TADA2A: variants seen among roughly 807,000 people sequenced by gnomAD.
TADA2A encodes transcriptional adapter 2-alpha.
TADA2A carries 38 observed loss-of-function variants against 67.4 expected under a neutral mutation model. That is an observed-to-expected ratio of 0.56 (90% CI 0.44 to 0.74). The LOEUF (loss-of-function observed/expected upper bound fraction) is 0.74, where lower values mean the gene tolerates loss of function less well. Among genes scored for constraint, TADA2A ranks in the 30% least tolerant of loss-of-function variants. TADA2A has a pLI of 0.00. For synonymous variants in TADA2A, 192 were observed against 181.6 expected, an observed-to-expected ratio of 1.06 and a Z score of -0.46; for missense variants, 454 against 547.0, an observed-to-expected ratio of 0.83 and a Z score of 1.70.
intron 4 of TADA2A, among the ~76,000 whole-genome samples, chr17:37,431,588 T>G (rs2052569796): frequency 6.6e-6 from 1 of 151,748 alleles, no homozygotes; most frequent in Non-Finnish European, 1.5e-5. Context: ...CTTTTTTTTT[T>G]TTTTGAGACA....
chr17:37,447,631 A>C (rs1399066597), intron 8 of TADA2A, among the ~76,000 whole-genome samples: 1 of 152,176 alleles, frequency 6.6e-6, no homozygotes, highest in Non-Finnish European at 1.5e-5. Flanking sequence ...AAAAGATGAT[A>C]ACAGTTTAAA....
At chr17:37,469,226 A>G (rs192384580) in intron 12 of TADA2A, among the ~76,000 whole-genome samples, 69 of 152,122 alleles carry the variant, frequency 4.5e-4, no homozygotes, top group African/African-American at 1.5e-3. Flanking sequence ...TTCTTAACAC[A>G]GCCCTGTGGG....
chr17:37,440,314 T>A (rs892135453), intron 5 of TADA2A, among the ~76,000 whole-genome samples, 191 bp from the exon 6 acceptor site: 1 of 152,166 alleles, frequency 6.6e-6, no homozygotes, highest in Non-Finnish European at 1.5e-5. Context: ...TAGCAAGATA[T>A]GGAACACCAG....
intron 3 of TADA2A, 141 bp from the exon 4 acceptor site, chr17:37,426,809 C>T: frequency 1.5e-6 from 1 of 661,078 alleles, no homozygotes; most frequent in South Asian, 2.0e-5. Flanking sequence ...GGTGCCACTG[C>T]ACTTCGGCCT....
chr17:37,443,155 C>G (rs1200587264), intron 7 of TADA2A, among the ~76,000 whole-genome samples: 1 of 152,086 alleles, frequency 6.6e-6, no homozygotes, highest in African/African-American at 2.4e-5. Context: ...GAGTAAGACC[C>G]TGTCTCCAAA....
At chr17:37,440,398 G>A (rs2052877576) in intron 5 of TADA2A, 107 bp from the exon 6 acceptor site, 2 of 1,250,374 alleles carry the variant, frequency 1.6e-6, no homozygotes, top group Admixed American at 2.6e-5. Flanking sequence ...GGAAATATGA[G>A]AGTATATTAT....
chr17:37,436,622 G>C (rs1223538360), intron 4 of TADA2A: 1 of 152,006 alleles, frequency 6.6e-6, no homozygotes, highest in Non-Finnish European at 1.5e-5. Context: ...GCCTCCCAAA[G>C]TGTTGGGATT....
At chr17:37,429,867 AT>A (rs1269849280) in intron 4 of TADA2A, among the ~76,000 whole-genome samples, 1 of 152,128 alleles carries the variant, frequency 6.6e-6, no homozygotes, top group Non-Finnish European at 1.5e-5. Flanking sequence ...CTTGGAATAA[AT>A]TTTTTCCCCC....
intron 2 of TADA2A, 35 bp downstream of exon 2, chr17:37,411,425 T>C (rs1478172086): frequency 3.1e-6 from 5 of 1,601,974 alleles, no homozygotes; most frequent in African/African-American, 1.3e-5. Context: ...AGGTGACTTA[T>C]TATTATTTTT....
intron 8 of TADA2A, among the ~76,000 whole-genome samples, chr17:37,457,796 C>T (rs1340343894): frequency 6.6e-6 from 1 of 151,826 alleles, no homozygotes; most frequent in Non-Finnish European, 1.5e-5. Flanking sequence ...ACGCCCAGCC[C>T]AATATTCATT....
intron 4 of TADA2A, among the ~76,000 whole-genome samples, chr17:37,430,208 A>G (rs986423822): frequency 2.0e-5 from 3 of 152,208 alleles, no homozygotes; most frequent in African/African-American, 7.2e-5. Context: ...CATTCTGATT[A>G]CATCATCCTT....
chr17:37,432,128 C>T (rs1490642165), intron 4 of TADA2A, among the ~76,000 whole-genome samples: 2 of 151,628 alleles, frequency 1.3e-5, no homozygotes, highest in African/African-American at 4.8e-5. Flanking sequence ...ATGTACACTT[C>T]TGTTGTTTCT....
At chr17:37,455,962 G>A (rs981761242) in intron 8 of TADA2A, among the ~76,000 whole-genome samples, 3 of 152,150 alleles carry the variant, frequency 2.0e-5, no homozygotes, top group Non-Finnish European at 4.4e-5. Context: ...CCAGCACTTC[G>A]AGAGGCCAAA....
chr17:37,473,741 T>G (rs1369184988), intron 14 of TADA2A, among the ~76,000 whole-genome samples: 4 of 152,182 alleles, frequency 2.6e-5, no homozygotes, highest in African/African-American at 9.6e-5. Context: ...GGTGTGTGAG[T>G]TGACCTCAGC....
intron 8 of TADA2A, among the ~76,000 whole-genome samples, chr17:37,452,344 A>G (rs1021870650): frequency 2.0e-5 from 3 of 152,128 alleles, no homozygotes. Context: ...TGGAGGTTGC[A>G]GTGAGCTGAG....
intron 4 of TADA2A, among the ~76,000 whole-genome samples, chr17:37,427,278 A>G (rs1054496631): frequency 6.6e-6 from 1 of 152,234 alleles, no homozygotes; most frequent in Non-Finnish European, 1.5e-5. Flanking sequence ...AAATTATTCA[A>G]AGGAAATACT....
intron 8 of TADA2A, among the ~76,000 whole-genome samples, chr17:37,444,999 G>C (rs1450990036): frequency 6.6e-6 from 1 of 152,038 alleles, no homozygotes; most frequent in Non-Finnish European, 1.5e-5. Context: ...AATATCTGTT[G>C]GACTGTGTGA....
At chr17:37,458,321 A>G (rs1489087267) in intron 8 of TADA2A, among the ~76,000 whole-genome samples, 1 of 152,214 alleles carries the variant, frequency 6.6e-6, no homozygotes, top group Non-Finnish European at 1.5e-5. Flanking sequence ...AGATATATAA[A>G]TAGCGGAAAA....
intron 15 of TADA2A, 110 bp downstream of exon 15, chr17:37,474,739 A>G: frequency 8.7e-7 from 1 of 1,153,878 alleles, no homozygotes; most frequent in East Asian, 2.6e-5. Context: ...TTCATCTAAC[A>G]TATATGCACA....
Sources: allele counts gnomAD v4.1 joint callset (sites outside exome capture counted in the v4.1 genomes callset), GRCh38; gene constraint gnomAD v4.1.1; transcripts MANE v1.5; gene names NCBI Gene and HGNC (gene_info 2026-07-23, HGNC 2026-07-21).